ACACB: variants seen among roughly 807,000 people sequenced by gnomAD.
ACACB encodes acetyl-CoA carboxylase beta, also known as acetyl-CoA carboxylase 2.
A neutral mutation model predicts 278.8 loss-of-function variants in ACACB; 209 were observed. The observed-to-expected ratio is 0.75, with a 90% CI of 0.67 to 0.84. The LOEUF is 0.84. Among genes scored for constraint, ACACB ranks in the 40% least tolerant of loss-of-function variants. The pLI is 0.00. For missense variants in ACACB, 2,850 were observed against 3,269.0 expected (o/e 0.87, Z 3.13); for synonymous variants, 1,174 against 1,285.6 (o/e 0.91, Z 1.86).
chr12:109,259,642 C>T (rs2047327184), intron 47 of ACACB, among the ~76,000 whole-genome samples: 1 of 151,900 alleles, frequency 6.6e-6, no homozygotes, highest in Admixed American at 6.6e-5. Flanking sequence ...CTAGAGGTCA[C>T]ACCATGAGGT....
intron 15 of ACACB, 133 bp from the exon 16 acceptor site, chr12:109,193,515 G>T (rs138646675): frequency 5.6e-6 from 4 of 718,930 alleles, no homozygotes; most frequent in Admixed American, 4.4e-5. Flanking sequence ...ATTGCGCCCA[G>T]CCCAGGCTTA....
At chr12:109,118,808 C>CA (rs749708048) in intron 1 of ACACB, among the ~76,000 whole-genome samples, 1 of 152,182 alleles carries the variant, frequency 6.6e-6, no homozygotes, top group Non-Finnish European at 1.5e-5. Context: ...AACCAGGAAA[C>CA]AGAGTTAGAA....
At chr12:109,217,426 G>A (rs920930191) in intron 24 of ACACB, among the ~76,000 whole-genome samples, 1 of 152,148 alleles carries the variant, frequency 6.6e-6, no homozygotes, top group African/African-American at 2.4e-5. Flanking sequence ...AACTTTGTTG[G>A]GAGCCCGAGG....
Position 109,139,812 on chromosome 12 carries a change from CA to C in ACACB, c.408del (p.Ala137ProfsTer25). 2.5e-6 allele frequency: 4 copies of C among 1,614,238 alleles called. No individual in the cohort carries two copies. The highest frequency in any genetic ancestry group is 3.4e-6 in the Non-Finnish European group (4 of 1,180,044). On this transcript the variant is annotated frameshift_variant, in exon 2 of 53. Coordinates refer to ENST00000338432, the MANE Select transcript of ACACB (RefSeq NM_001093.4). LOFTEE classifies it high-confidence loss of function. ...ACAGATACCAATGGCCTGTCCTCCT[CA>C]GCCAGGCCCCAGGGCCAGCAAGCTG... Reference protein sequence around the residue: ...EATDTNGLSSSARPQGQQAGS... With the variant: ...EATDTNGLSSXARPQGQQAGS...
chr12:109,167,444 A>T (rs1175324647), intron 3 of ACACB, among the ~76,000 whole-genome samples: 2 of 151,202 alleles, frequency 1.3e-5, no homozygotes, highest in South Asian at 4.2e-4. Context: ...CAAAAAAATT[A>T]AAAAATTAGC....
intron 21 of ACACB, among the ~76,000 whole-genome samples, chr12:109,210,638 G>T (rs1047903772): frequency 4.0e-5 from 6 of 150,684 alleles, no homozygotes; most frequent in African/African-American, 1.5e-4. Context: ...ACTGAGGTCG[G>T]GTGCATTGGC....
chr12:109,188,167 G>A lies in ACACB; in HGVS notation c.2144+5G>A, dbSNP rs751742810. 3.2e-6 allele frequency: 5 copies of A among 1,582,930 alleles called. No homozygotes were observed. The highest frequency in any genetic ancestry group is 2.3e-5 in the East Asian group (1 of 43,416). The stretch of plus-strand genomic sequence containing the variant: ...GAACCGGGAAGAGGCCATTTCGTCA[G>A]TATCTCCTTCCTTCCTTCCTTCCTT... On this transcript the variant is annotated splice_donor_5th_base_variant and intron_variant, in intron 13 of 52. Coordinates refer to ENST00000338432, the MANE Select transcript of ACACB (RefSeq NM_001093.4).
chr12:109,174,652 CAGG>C (rs1269600355), intron 7 of ACACB, among the ~76,000 whole-genome samples: 1 of 151,302 alleles, frequency 6.6e-6, no homozygotes, highest in Non-Finnish European at 1.5e-5. Flanking sequence ...CACTTGAAGC[CAGG>C]AGTTCAAGAC....
At chr12:109,168,736 C>T (rs531748769) in intron 4 of ACACB, among the ~76,000 whole-genome samples, 19 of 152,236 alleles carry the variant, frequency 1.2e-4, no homozygotes, top group Admixed American at 3.9e-4. Flanking sequence ...GTGGGAGGAT[C>T]GCTTCAGCCC....
intron 9 of ACACB, among the ~76,000 whole-genome samples, chr12:109,178,212 T>C (rs1255182211): frequency 2.0e-5 from 3 of 152,222 alleles, no homozygotes; most frequent in East Asian, 3.8e-4. Flanking sequence ...CTATACATTA[T>C]TGCAAATTTG....
chr12:109,156,585 CTGTTTT>C (rs1176144577), intron 2 of ACACB, among the ~76,000 whole-genome samples: 1 of 104,500 alleles, frequency 9.6e-6, no homozygotes. Context: ...CTGTTTCTCT[CTGTTTT>C]TTTTTTTTTT....
intron 6 of ACACB, among the ~76,000 whole-genome samples, chr12:109,173,415 C>T (rs866130316): frequency 2.0e-5 from 3 of 152,162 alleles, no homozygotes; most frequent in Non-Finnish European, 2.9e-5. Context: ...CAACTCAGTG[C>T]GGATCAATAC....
chr12:109,214,655 C>CAG (rs1476980464), intron 22 of ACACB, among the ~76,000 whole-genome samples: 1 of 152,172 alleles, frequency 6.6e-6, no homozygotes, highest in African/African-American at 2.4e-5. Flanking sequence ...ACATTTGTAT[C>CAG]AGAGTCTTTT....
intron 24 of ACACB, among the ~76,000 whole-genome samples, chr12:109,221,897 G>T (rs866539592): frequency 8.0e-5 from 12 of 149,232 alleles, no homozygotes; most frequent in African/African-American, 2.7e-4. Context: ...TTTTTTTTGG[G>T]GGGGAGACAG....
intron 24 of ACACB, among the ~76,000 whole-genome samples, chr12:109,221,467 G>A (rs371876936): frequency 1.3e-4 from 20 of 152,154 alleles, no homozygotes; most frequent in Middle Eastern, 3.2e-3. Flanking sequence ...GAGGAGATGC[G>A]AACACCGGCT....
At chr12:109,135,505 CG>C (rs2042944426) in intron 1 of ACACB, among the ~76,000 whole-genome samples, 1 of 151,750 alleles carries the variant, frequency 6.6e-6, no homozygotes, top group Non-Finnish European at 1.5e-5. Flanking sequence ...CTATGATTCA[CG>C]AAAGCTTTTA....
In ACACB at chr12:109,151,771, A is replaced by G. The variant is rs574357053; in HGVS notation, c.653+11713A>G. ...AAGTCTGAGAGGAAGGGCTTAATGC[A>G]TGAGACAGCAACTACCACCATGCTT... On this transcript the variant is annotated intron_variant, in intron 2 of 52. Coordinates refer to ENST00000338432, the MANE Select transcript of ACACB (RefSeq NM_001093.4). Among the ~76,000 whole-genome samples, 14 of 152,346 alleles carry G rather than the reference A, an allele frequency of 9.2e-5. No individual in the cohort carries two copies. The South Asian group carries it at 2.9e-3, about 32-fold the overall frequency.
upstream of ACACB, chr12:109,116,574 A>T (rs2042407528): frequency 6.6e-6 from 1 of 152,160 alleles, no homozygotes; most frequent in Non-Finnish European, 1.5e-5. Context: ...TAAAAGTGAC[A>T]TTTGCAGTCC....
chr12:109,222,469 G>A, intron 24 of ACACB, 38 bp from the exon 25 acceptor site: 3 of 1,588,534 alleles, frequency 1.9e-6, no homozygotes, highest in East Asian at 2.2e-5. Flanking sequence ...TCCCTGGGCT[G>A]GAGAAAAGCC....
Sources: gnomAD v4.1 joint callset for allele counts (sites outside exome capture counted in the v4.1 genomes callset) on GRCh38, gnomAD v4.1.1 for gene constraint, MANE v1.5 for transcripts, NCBI Gene and HGNC (gene_info 2026-07-23, HGNC 2026-07-21) for gene names.